Variants in PIAS1 observed in about 807,000 individuals in gnomAD.
PIAS1 encodes the protein E3 SUMO-protein ligase PIAS1.
In PIAS1, 6 loss-of-function variants were observed where a neutral mutation model predicts 71.3. That is an observed-to-expected ratio of 0.08 (90% CI 0.05 to 0.17). The LOEUF (loss-of-function observed/expected upper bound fraction) is 0.17, where lower values mean the gene tolerates loss of function less well. Ranked by LOEUF, PIAS1 falls within the 10% of genes least tolerant of loss-of-function variation. The probability of loss-of-function intolerance (pLI) is 1.00; values close to 1 mark genes in which losing one functional copy is unlikely to be tolerated. For missense variants in PIAS1, 555 were observed against 793.6 expected (o/e 0.70, Z 3.61); for synonymous variants, 303 against 292.9 (o/e 1.03, Z -0.35).
chr15:68,086,192 T>C lies in PIAS1; in HGVS notation c.25-114T>C. ...TGAAATAATAGGATTATAAGTGAGC[T>C]GGCCTTTATTTGCTTAAGTAAACCA... is the stretch of plus-strand genomic sequence containing the variant. On this transcript the variant is annotated intron_variant, in intron 1 of 13. Transcript: ENST00000249636. The surrounding 1 kb of genome is among the most constrained non-coding windows in gnomAD (Gnocchi z 7.2). 4 of 664,012 alleles carry C rather than the reference T, an allele frequency of 6.0e-6. No individual in the cohort carries two copies. Among genetic ancestry groups the C allele is most frequent in the Non-Finnish European group, 1.0e-5 (4 of 395,456 alleles). The allele number at this position is 664,012 out of a possible 1,614,324, so 41.1% of individuals were successfully genotyped here.
At chr15:68,124,331 TTTTC>T (rs1176905850) in intron 2 of PIAS1, among the ~76,000 whole-genome samples, 1 of 152,164 alleles carries the variant, frequency 6.6e-6, no homozygotes, top group Non-Finnish European at 1.5e-5. Context: ...TACAGATATT[TTTTC>T]TTTGGCCCAT....
intron 2 of PIAS1, among the ~76,000 whole-genome samples, chr15:68,101,164 T>C (rs1273434887): frequency 6.6e-6 from 1 of 152,160 alleles, no homozygotes; most frequent in Non-Finnish European, 1.5e-5. Context: ...CCTCCCAAAG[T>C]GCTAGGATTA....
chr15:68,127,401 A>C (rs933381030), intron 2 of PIAS1, among the ~76,000 whole-genome samples: 1 of 152,124 alleles, frequency 6.6e-6, no homozygotes, highest in East Asian at 1.9e-4. Flanking sequence ...GTTTTCAAGA[A>C]ATTCCCCTTG....
At chr15:68,110,871 C>G (rs1055689363) in intron 2 of PIAS1, among the ~76,000 whole-genome samples, 1 of 152,122 alleles carries the variant, frequency 6.6e-6, no homozygotes, top group Non-Finnish European at 1.5e-5. Flanking sequence ...TTGTTGTAGA[C>G]TGTTTTTATT....
chr15:68,066,112 T>G (rs1335379538), intron 1 of PIAS1, among the ~76,000 whole-genome samples: 4 of 151,594 alleles, frequency 2.6e-5, no homozygotes, highest in African/African-American at 9.7e-5. Flanking sequence ...TTTTCAAGGT[T>G]ATGTTTTTTC....
rs2092279230 is a variant in PIAS1 at position 68,086,108 on chromosome 15, A to G, written c.25-198A>G. On this transcript the variant is annotated intron_variant, in intron 1 of 13. Transcript: ENST00000249636. The surrounding 1 kb of genome is among the most constrained non-coding windows in gnomAD (Gnocchi z 7.2). Reference sequence around the variant, plus strand: ...ACCAAGGGTAGAAGTCAATGAATTTATGAATATTAATTTTAAATTTCTTTG... The same window carrying G: ...ACCAAGGGTAGAAGTCAATGAATTTGTGAATATTAATTTTAAATTTCTTTG... Among the ~76,000 whole-genome samples, 1 of 152,218 alleles carries G rather than the reference A, an allele frequency of 6.6e-6. No homozygotes were observed. Among genetic ancestry groups the G allele is most frequent in the Non-Finnish European group, 1.5e-5 (1 of 68,036 alleles).
chr15:68,076,151 C>G (rs763193861), intron 1 of PIAS1, among the ~76,000 whole-genome samples: 3 of 152,018 alleles, frequency 2.0e-5, no homozygotes, highest in Non-Finnish European at 2.9e-5. Flanking sequence ...ACTTATAAAT[C>G]AGGACTGAAA....
At chr15:68,135,138 C>T (rs1240176298) in intron 2 of PIAS1, among the ~76,000 whole-genome samples, 11 of 40,016 alleles carry the variant, frequency 2.7e-4, no homozygotes, top group Admixed American at 6.1e-4. Context: ...GCTGGCCTGG[C>T]GGGGGCTGAC....
intron 7 of PIAS1, among the ~76,000 whole-genome samples, chr15:68,155,355 A>G (rs1451191495): frequency 1.1e-4 from 17 of 151,740 alleles, no homozygotes; most frequent in East Asian, 1.9e-4. Context: ...TTGGCCAGGG[A>G]AGCCAATGGA....
chr15:68,130,667 T>TAAA (rs11349222), intron 2 of PIAS1, among the ~76,000 whole-genome samples: 94 of 126,950 alleles, frequency 7.4e-4, no homozygotes, highest in East Asian at 1.2e-3. Context: ...AGGTAACACT[T>TAAA]AAAAAAAAAA....
chr15:68,163,566 G>C (rs1489169344), intron 7 of PIAS1, among the ~76,000 whole-genome samples: 1 of 152,172 alleles, frequency 6.6e-6, no homozygotes, highest in Non-Finnish European at 1.5e-5. Context: ...TATGGAAATA[G>C]TTGGATAGGA....
In PIAS1 at chr15:68,146,671, G is replaced by T. The variant is rs749653117; in HGVS notation, c.799G>T (p.Val267Phe). The T allele has an allele frequency of 1.2e-6, 2 of 1,612,362 alleles. No homozygotes were observed. Among genetic ancestry groups the T allele is most frequent in the Non-Finnish European group, 8.5e-7 (1 of 1,178,874 alleles). Reference sequence around the variant, plus strand: ...GTCCACAACAGTACCAAACACGATTGTTGTTTCTTGGACTGCAGAAATTGG... The same window carrying T: ...GTCCACAACAGTACCAAACACGATTTTTGTTTCTTGGACTGCAGAAATTGG... Reference protein sequence around the residue: ...RLSTTVPNTIVVSWTAEIGRN... With the variant: ...RLSTTVPNTIFVSWTAEIGRN... The change falls in exon 6 of 14, where the codon GTT becomes TTT. Residue 267 changes from valine to phenylalanine, a missense_variant. Physicochemically the swap from Val to Phe is conservative, Grantham distance 50 (BLOSUM62 -1). This residue lies in a region of PIAS1 where 134 missense variants were observed against 203.4 expected (regional missense o/e 0.66). Coordinates refer to ENST00000249636, the MANE Select transcript of PIAS1 (RefSeq NM_016166.3).
chr15:68,135,178 TG>T (rs1286941126), intron 2 of PIAS1, among the ~76,000 whole-genome samples: 681 of 40,888 alleles, frequency 0.017, 152 homozygotes, highest in African/African-American at 0.035. Flanking sequence ...ACGGGGTGGC[TG>T]GCCGGGCGGG....
At chr15:68,077,096 G>A (rs2092174889) in intron 1 of PIAS1, among the ~76,000 whole-genome samples, 1 of 152,212 alleles carries the variant, frequency 6.6e-6, no homozygotes, top group Non-Finnish European at 1.5e-5. Context: ...AGCCATTTAT[G>A]TGAAAAAGAT....
intron 1 of PIAS1, among the ~76,000 whole-genome samples, chr15:68,064,016 GATGAA>G (rs1469274777): frequency 4.6e-4 from 70 of 152,024 alleles, no homozygotes; most frequent in South Asian, 6.2e-4. Flanking sequence ...TATTTTGTAT[GATGAA>G]ATGAAAAGTA....
At chr15:68,154,751 G>A (rs2092875594) in intron 7 of PIAS1, among the ~76,000 whole-genome samples, 1 of 152,228 alleles carries the variant, frequency 6.6e-6, no homozygotes, top group South Asian at 2.1e-4. Flanking sequence ...TAATGCCTCT[G>A]TAGGCATGCA....
At chr15:68,121,681 C>T (rs2092614638) in intron 2 of PIAS1, among the ~76,000 whole-genome samples, 1 of 152,124 alleles carries the variant, frequency 6.6e-6, no homozygotes, top group Non-Finnish European at 1.5e-5. Flanking sequence ...ACTTAATCTG[C>T]TCTCTGTATG....
intron 1 of PIAS1, among the ~76,000 whole-genome samples, chr15:68,079,810 T>C (rs2140975291): frequency 6.6e-6 from 1 of 151,914 alleles, no homozygotes. Flanking sequence ...TGTACTCCAA[T>C]GTTATAACAT....
chr15:68,083,219 TGTTA>T (rs2092245614), intron 1 of PIAS1, among the ~76,000 whole-genome samples: 1 of 152,180 alleles, frequency 6.6e-6, no homozygotes, highest in South Asian at 2.1e-4. Flanking sequence ...AACTCAGATG[TGTTA>T]GTGTTTAGTT....
Sources: allele counts gnomAD v4.1 joint callset (sites outside exome capture counted in the v4.1 genomes callset), GRCh38; gene constraint gnomAD v4.1.1; regional missense constraint gnomAD v4.1.1; non-coding constraint Gnocchi (gnomAD v3.1); transcripts MANE v1.5; gene names NCBI Gene and HGNC (gene_info 2026-07-23, HGNC 2026-07-21).